Variants in ARHGAP17 observed in about 807,000 individuals in gnomAD.
ARHGAP17 encodes the protein rho GTPase-activating protein 17.
A neutral mutation model predicts 99.5 loss-of-function variants in ARHGAP17; 57 were observed. That is an observed-to-expected ratio of 0.57 (90% CI 0.46 to 0.71). The LOEUF (loss-of-function observed/expected upper bound fraction) is 0.71. Ranked by LOEUF, ARHGAP17 falls within the 30% of genes least tolerant of loss-of-function variation. The probability of loss-of-function intolerance (pLI) is 0.00; values close to 1 mark genes in which losing one functional copy is unlikely to be tolerated. For synonymous variants in ARHGAP17, 417 were observed against 429.6 expected (o/e 0.97, Z 0.36); for missense variants, 1,000 against 1,122.4 (o/e 0.89, Z 1.56).
At chr16:24,965,537 G>A (rs943298141) in intron 6 of ARHGAP17, among the ~76,000 whole-genome samples, 1 of 152,180 alleles carries the variant, frequency 6.6e-6, no homozygotes, top group African/African-American at 2.4e-5. Context: ...CTAGACTGCT[G>A]CAGTGCCCCA....
Position 25,010,160 on chromosome 16 carries a change from C to T in ARHGAP17, c.53+5049G>A, listed in dbSNP as rs374674744. On this transcript the variant is annotated intron_variant, in intron 1 of 19. Transcript: ENST00000289968. ...GCATGATCTCAGCTCACTGCAGCCT[C>T]GACTTTCCAGGCTCAGTTGATCCTC... Among the ~76,000 whole-genome samples, 47 of 152,046 alleles carry T rather than the reference C, an allele frequency of 3.1e-4. No homozygotes were observed. The East Asian group carries it at 6.6e-3, about 21-fold the overall frequency.
intron 4 of ARHGAP17, among the ~76,000 whole-genome samples, chr16:24,969,369 T>C (rs2052291889): frequency 6.6e-6 from 1 of 152,190 alleles, no homozygotes; most frequent in African/African-American, 2.4e-5. Context: ...GGGGTTTTTT[T>C]GACACCAGAA....
At chr16:24,956,827 C>G (rs2051823626) in intron 9 of ARHGAP17, 1 of 152,238 alleles carries the variant, frequency 6.6e-6, no homozygotes, top group Non-Finnish European at 1.5e-5. Flanking sequence ...TTTGCGACTT[C>G]TGGTGTAGAC....
At chr16:24,946,408 T>C (rs574471900) in intron 14 of ARHGAP17, among the ~76,000 whole-genome samples, 27 of 151,720 alleles carry the variant, frequency 1.8e-4, no homozygotes, top group Admixed American at 5.3e-4. Flanking sequence ...TGTACGAAAC[T>C]GTTAACTCAT....
rs201599769 is a variant in ARHGAP17 at position 24,954,539 on chromosome 16, T to C, written c.852+64A>G. ...GTGGACAGGGGGCTGGCGGGGAGCA[T>C]GGTGCTCTGGGTACAACAAGGGGCA... On this transcript the variant is annotated intron_variant, in intron 10 of 19. Transcript: ENST00000289968. 9,122 of 1,551,532 alleles carry C rather than the reference T, an allele frequency of 5.9e-3. 35 individuals are homozygous for C. Among genetic ancestry groups the C allele is most frequent in the Non-Finnish European group, 7.1e-3 (8,105 of 1,147,848 alleles).
intron 1 of ARHGAP17, among the ~76,000 whole-genome samples, chr16:25,011,610 C>T (rs527739885): frequency 2.0e-5 from 3 of 151,456 alleles, no homozygotes; most frequent in South Asian, 2.1e-4. Context: ...GAGGCTGAGA[C>T]GGGAGAATTG....
intron 3 of ARHGAP17, among the ~76,000 whole-genome samples, chr16:24,973,991 T>C (rs1449566578): frequency 1.3e-5 from 2 of 151,964 alleles, no homozygotes; most frequent in African/African-American, 4.8e-5. Flanking sequence ...TAAGGAGAAA[T>C]GGAATCAGCT....
intron 10 of ARHGAP17, among the ~76,000 whole-genome samples, chr16:24,953,445 T>C (rs1166466858): frequency 3.3e-5 from 5 of 152,162 alleles, no homozygotes; most frequent in Non-Finnish European, 5.9e-5. Context: ...GACTGGATCA[T>C]GGGGGTGGAT....
At chr16:24,982,984 ATATATATATATATTTTTTT>A (rs1167240879) in intron 1 of ARHGAP17, among the ~76,000 whole-genome samples, 90 of 27,998 alleles carry the variant, frequency 3.2e-3, no homozygotes, top group African/African-American at 9.3e-3. Context: ...ATATATATAT[ATATATATATATATTTTTTT>A]TTTTTTTTTT....
chr16:24,939,690 G>A (rs2152456858), intron 16 of ARHGAP17, 93 bp from the exon 17 acceptor site: 1 of 1,332,378 alleles, frequency 7.5e-7, no homozygotes, highest in Middle Eastern at 1.8e-4. Flanking sequence ...CACACATGGG[G>A]ATAGCCACCC....
intron 10 of ARHGAP17, among the ~76,000 whole-genome samples, chr16:24,953,827 T>G (rs907607543): frequency 1.3e-5 from 2 of 152,122 alleles, no homozygotes; most frequent in African/African-American, 4.8e-5. Flanking sequence ...AAATGTCTCC[T>G]GGGGAGCAAA....
At chr16:25,008,638 C>A (rs1268176973) in intron 1 of ARHGAP17, among the ~76,000 whole-genome samples, 1 of 152,184 alleles carries the variant, frequency 6.6e-6, no homozygotes, top group Non-Finnish European at 1.5e-5. Flanking sequence ...ATGCACGGTG[C>A]ACGTACTGAC....
At chr16:24,944,132 G>C (rs1426004648) in intron 14 of ARHGAP17, among the ~76,000 whole-genome samples, 5 of 151,972 alleles carry the variant, frequency 3.3e-5, no homozygotes, top group African/African-American at 1.2e-4. Context: ...TTAGCCAGGC[G>C]TGGTGGTGCG....
intron 3 of ARHGAP17, among the ~76,000 whole-genome samples, chr16:24,973,774 TCATTC>T (rs890345195): frequency 1.7e-4 from 26 of 152,376 alleles, no homozygotes; most frequent in African/African-American, 6.0e-4. Context: ...AACTTACATT[TCATTC>T]ATTTTATATC....
chr16:24,934,833 A>G (rs2051090755), intron 18 of ARHGAP17, among the ~76,000 whole-genome samples: 1 of 152,190 alleles, frequency 6.6e-6, no homozygotes, highest in African/African-American at 2.4e-5. Context: ...ATGTTCTGGA[A>G]GCCCTAAGGA....
chr16:24,925,163 G>A (rs1038321534), intron 19 of ARHGAP17, among the ~76,000 whole-genome samples: 1 of 152,164 alleles, frequency 6.6e-6, no homozygotes, highest in African/African-American at 2.4e-5. Flanking sequence ...TGGATCACTT[G>A]AAGTCATGAG....
intron 1 of ARHGAP17, among the ~76,000 whole-genome samples, chr16:25,003,038 C>CAAA (rs1177218423): frequency 0.23 from 12,383 of 53,102 alleles, 1,960 homozygotes; most frequent in East Asian, 0.48. Flanking sequence ...GACTCCGTCT[C>CAAA]AAAAAAAAAA....
At chr16:24,972,520 C>T (rs1415657600) in intron 3 of ARHGAP17, 1 of 152,112 alleles carries the variant, frequency 6.6e-6, no homozygotes, top group African/African-American at 2.4e-5. Flanking sequence ...GCTCCATCTG[C>T]ACTACAAGGA....
intron 1 of ARHGAP17, among the ~76,000 whole-genome samples, chr16:25,000,359 G>T (rs1220546477): frequency 6.6e-6 from 1 of 152,138 alleles, no homozygotes; most frequent in Non-Finnish European, 1.5e-5. Context: ...CGCACGAGGT[G>T]CACATCTGCA....
Sources: allele counts gnomAD v4.1 joint callset (sites outside exome capture counted in the v4.1 genomes callset), GRCh38; gene constraint gnomAD v4.1.1; transcripts MANE v1.5; gene names NCBI Gene and HGNC (gene_info 2026-07-23, HGNC 2026-07-21).